Variants in PDCD6IP observed in about 807,000 individuals in gnomAD.
PDCD6IP encodes the protein programmed cell death 6-interacting protein.
PDCD6IP carries 43 observed loss-of-function variants against 103.7 expected under a neutral mutation model. The ratio of observed to expected loss-of-function variants is 0.41; its 90% CI spans 0.32 to 0.53. The LOEUF (loss-of-function observed/expected upper bound fraction) is 0.53. PDCD6IP is among the 20% of genes least tolerant of loss of function. PDCD6IP has a pLI of 0.16. For synonymous variants in PDCD6IP, 354 were observed against 378.7 expected (o/e 0.93, Z 0.76); for missense variants, 871 against 1,036.7 (o/e 0.84, Z 2.20).
rs533671972 is a variant in PDCD6IP, at chr3:33,831,752, T to C, written c.834+2783T>C. Among the ~76,000 whole-genome samples, 297 of 145,760 alleles carry C rather than the reference T, an allele frequency of 2.0e-3. 1 individual carries two copies. Among genetic ancestry groups the C allele is most frequent in the Non-Finnish European group, 3.5e-3 (236 of 66,560 alleles). The stretch of plus-strand genomic sequence containing the variant: ...TCTTTCTTTGAAATAGAAGCAAATA[T>C]ATACATAGACAGCACACACACACAC... On this transcript the variant is annotated intron_variant, in intron 7 of 17. Transcript: ENST00000307296.
intron 9 of PDCD6IP, among the ~76,000 whole-genome samples, chr3:33,841,145 A>G (rs1345340866): frequency 1.3e-5 from 2 of 150,616 alleles, no homozygotes; most frequent in Non-Finnish European, 2.9e-5. Context: ...CTTGTGCCTC[A>G]GCCTCCCAAG....
intron 8 of PDCD6IP, 137 bp downstream of exon 8, chr3:33,836,403 A>G: frequency 1.6e-6 from 1 of 607,620 alleles, no homozygotes; most frequent in Admixed American, 2.9e-5. Context: ...GAATATGAGA[A>G]TAAATATTGT....
At chr3:33,839,957 A>C (rs1419346921) in intron 9 of PDCD6IP, among the ~76,000 whole-genome samples, 2 of 152,184 alleles carry the variant, frequency 1.3e-5, no homozygotes, top group Admixed American at 1.3e-4. Context: ...TTTTCTTAAT[A>C]GTTAAAGACT....
rs774464181 is a variant in PDCD6IP at position 33,836,131 on chromosome 3, C to G, written c.922C>G (p.Leu308Val). 2.5e-6 allele frequency: 4 copies of G among 1,610,700 alleles called. No homozygotes were observed. The highest frequency in any genetic ancestry group is 3.3e-5 in the Admixed American group (2 of 60,026). Residue 308 changes from leucine (L) to valine (V), a missense_variant, in exon 8 of 18, where the codon CTT becomes GTT. Transcript: ENST00000307296. ...KDFSDKINRA[L>V]AAAKKDNDFI... ...TTTTTCTGACAAAATCAATCGTGCC[C>G]TTGCTGCAGCAAAGAAGGATAATGA...
At position 33,825,263 on chromosome 3, in the gene PDCD6IP, C is replaced by T. The variant is rs776689219; in HGVS notation, c.539C>T (p.Ser180Phe). The change falls in exon 5 of 18, where the codon TCT (serine) becomes TTT (phenylalanine). Residue 180 changes from serine to phenylalanine, a missense_variant. Physicochemically the swap from Ser to Phe is radical, Grantham distance 155. Coordinates refer to ENST00000307296, the MANE Select transcript of PDCD6IP (RefSeq NM_013374.6). ...ALSREPTVDI[S>F]PDTVGTLSLI... The stretch of plus-strand genomic sequence containing the variant: ...AGTCGAGAGCCGACCGTGGACATAT[C>T]TCCAGATACTGTTGGGACCCTCAGT... The T allele has an allele frequency of 6.2e-7, 1 of 1,613,590 alleles. No homozygotes were observed.
intron 1 of PDCD6IP, among the ~76,000 whole-genome samples, chr3:33,804,591 T>G (rs1696550239): frequency 6.6e-6 from 1 of 152,266 alleles, no homozygotes; most frequent in Non-Finnish European, 1.5e-5. Context: ...AAAATCTGAT[T>G]TGTTTTTCTG....
intron 6 of PDCD6IP, chr3:33,828,504 G>C (rs1697177575): frequency 5.8e-6 from 1 of 171,034 alleles, no homozygotes; most frequent in Admixed American, 6.3e-5. Context: ...GTGTTCCTCT[G>C]TGAATGTCCA....
intron 4 of PDCD6IP, among the ~76,000 whole-genome samples, chr3:33,824,095 G>A (rs1697056649): frequency 6.6e-6 from 1 of 152,114 alleles, no homozygotes; most frequent in Non-Finnish European, 1.5e-5. Flanking sequence ...CTTTGCTGTT[G>A]TAGACTTTGA....
At chr3:33,846,150 G>A (rs1490501353) in intron 12 of PDCD6IP, among the ~76,000 whole-genome samples, 1 of 152,194 alleles carries the variant, frequency 6.6e-6, no homozygotes, top group African/African-American at 2.4e-5. Context: ...CTATCACAGG[G>A]AGATAGGGTA....
In PDCD6IP at chr3:33,868,745, A is replaced by G. The variant is rs1350003203; in HGVS notation, c.*2220A>G. 1 of 152,210 alleles carries G rather than the reference A, an allele frequency of 6.6e-6. No homozygotes were observed. The highest frequency in any genetic ancestry group is 2.4e-5 in the African/African-American group (1 of 41,466). 9.4% of individuals were successfully genotyped at this position (152,210 alleles called of 1,614,324 possible). On this transcript the variant is annotated 3_prime_UTR_variant, in exon 18 of 18. Coordinates refer to ENST00000307296, the MANE Select transcript of PDCD6IP (RefSeq NM_013374.6). ...TAATTAGGCTTTATTATCTTCCTAA[A>G]TCAAGGAAAGGAAATCATCCCCAGA...
At chr3:33,818,296 CG>C (rs1696904412) in intron 3 of PDCD6IP, among the ~76,000 whole-genome samples, 1 of 150,332 alleles carries the variant, frequency 6.7e-6, no homozygotes, top group Non-Finnish European at 1.5e-5. Context: ...TTAGTAGAGA[CG>C]GGGTTTCACC....
chr3:33,832,899 GTT>G (rs1170243987), intron 7 of PDCD6IP, among the ~76,000 whole-genome samples: 1 of 151,842 alleles, frequency 6.6e-6, no homozygotes, highest in Non-Finnish European at 1.5e-5. Flanking sequence ...ATTTTCTTTT[GTT>G]TAACTATGAT....
chr3:33,853,249 A>G (rs1194531067), intron 13 of PDCD6IP, among the ~76,000 whole-genome samples: 3 of 152,122 alleles, frequency 2.0e-5, no homozygotes, highest in African/African-American at 7.2e-5. Flanking sequence ...TATGGCTAAA[A>G]TGTTGCATAT....
intron 12 of PDCD6IP, among the ~76,000 whole-genome samples, chr3:33,845,933 C>A (rs1462923746): frequency 6.6e-6 from 1 of 152,172 alleles, no homozygotes; most frequent in African/African-American, 2.4e-5. Flanking sequence ...TACACAAATT[C>A]TTTATTTCTT....
At position 33,869,475 on chromosome 3, in the gene PDCD6IP, T is replaced by C. The variant is rs545236296; in HGVS notation, c.*2950T>C. On this transcript the variant is annotated 3_prime_UTR_variant, in exon 18 of 18. Transcript: ENST00000307296. ...TGGAAGAGCAAAGAAGGAAAAATTATATTTTTAAAGAAAGAGAATATTCAG... is the reference window on the plus strand; with the variant it reads ...TGGAAGAGCAAAGAAGGAAAAATTACATTTTTAAAGAAAGAGAATATTCAG... 3 of 152,356 alleles carry C rather than the reference T, an allele frequency of 2.0e-5. No homozygotes were observed. Among genetic ancestry groups the C allele is most frequent in the South Asian group, 4.1e-4 (2 of 4,834 alleles). The allele number at this position is 152,356 out of a possible 1,614,324, so 9.4% of individuals were successfully genotyped here. A position where few individuals can be genotyped will look rare whatever the true frequency, so the allele number is the denominator to read the frequency against.
intron 3 of PDCD6IP, among the ~76,000 whole-genome samples, chr3:33,817,112 A>G (rs949555018): frequency 6.6e-6 from 1 of 152,228 alleles, no homozygotes; most frequent in Non-Finnish European, 1.5e-5. Context: ...ATGTAAAGTT[A>G]TATCAATGGA....
chr3:33,800,119 CAAAAAAAAAAA>C (rs1173163869), intron 1 of PDCD6IP, among the ~76,000 whole-genome samples: 1 of 50,888 alleles, frequency 2.0e-5, no homozygotes, highest in South Asian at 6.8e-4. Context: ...GACTCCATCT[CAAAAAAAAAAA>C]AAAAAAAAAA....
chr3:33,827,451 A>G (rs1273190120), intron 6 of PDCD6IP: 1 of 152,824 alleles, frequency 6.5e-6, no homozygotes, highest in East Asian at 1.9e-4. Context: ...TAAGTGCATT[A>G]ACAGTACTTA....
intron 1 of PDCD6IP, among the ~76,000 whole-genome samples, chr3:33,806,268 C>T (rs1299780195): frequency 6.6e-6 from 1 of 152,142 alleles, no homozygotes; most frequent in African/African-American, 2.4e-5. Flanking sequence ...TACATGTACT[C>T]CTGTGTGTCC....
Sources: gnomAD v4.1 joint callset for allele counts (sites outside exome capture counted in the v4.1 genomes callset) on GRCh38, gnomAD v4.1.1 for gene constraint, MANE v1.5 for transcripts, NCBI Gene and HGNC (gene_info 2026-07-23, HGNC 2026-07-21) for gene names.